Variants in NLGN1 observed in about 807,000 individuals in gnomAD.
NLGN1 encodes the protein neuroligin 1.
A neutral mutation model predicts 65.5 loss-of-function variants in NLGN1; 12 were observed. The observed-to-expected ratio is 0.18, with a 90% CI of 0.12 to 0.30. The LOEUF (loss-of-function observed/expected upper bound fraction) is 0.30. NLGN1 is among the 10% of genes least tolerant of loss of function. NLGN1 has a pLI of 1.00. For missense variants in NLGN1, 750 were observed against 1,007.1 expected, an observed-to-expected ratio of 0.74 and a Z score of 3.46; for synonymous variants, 350 against 359.5, an observed-to-expected ratio of 0.97 and a Z score of 0.30.
intron 3 of NLGN1, among the ~76,000 whole-genome samples, chr3:173,805,080 A>T (rs906146049): frequency 2.0e-5 from 3 of 152,148 alleles, no homozygotes; most frequent in African/African-American, 7.2e-5. Context: ...CTGACAATGC[A>T]CTATTAAAGG....
intron 4 of NLGN1, among the ~76,000 whole-genome samples, chr3:173,914,735 C>T (rs942919001): frequency 6.6e-6 from 1 of 152,094 alleles, no homozygotes; most frequent in Non-Finnish European, 1.5e-5. Context: ...TCAATAAAGA[C>T]AAAATCACCA....
chr3:173,990,770 T>C (rs1720923516), intron 4 of NLGN1, among the ~76,000 whole-genome samples: 1 of 152,288 alleles, frequency 6.6e-6, no homozygotes, highest in African/African-American at 2.4e-5. Flanking sequence ...TATTCATAAA[T>C]ATTTTATCCT....
rs190271741 is a variant in NLGN1 at position 173,943,436 on chromosome 3, C to T, written c.646+135604C>T. On this transcript the variant is annotated intron_variant, in intron 4 of 6. Coordinates refer to ENST00000457714, the Ensembl canonical transcript of NLGN1. ...GCCCCTACAACTCTCACCTAGAAAA[C>T]AAGTGAGTTCAGGAAAGCACCTAAG... Among the ~76,000 whole-genome samples the T allele has an allele frequency of 2.0e-3, 309 of 152,240 alleles. 6 individuals are homozygous for T. The highest frequency in any genetic ancestry group is 0.019 in the Admixed American group (287 of 15,268).
intron 4 of NLGN1, among the ~76,000 whole-genome samples, chr3:173,904,033 T>A (rs773194985): frequency 6.6e-6 from 1 of 152,150 alleles, no homozygotes; most frequent in Admixed American, 6.6e-5. Flanking sequence ...TTTGAAGGAC[T>A]TTTATATTAC....
intron 2 of NLGN1, among the ~76,000 whole-genome samples, chr3:173,514,576 A>G (rs1201308123): frequency 2.6e-5 from 4 of 152,216 alleles, no homozygotes; most frequent in Admixed American, 1.3e-4. Context: ...ATTGTTATGT[A>G]TAGGCACAAT....
At chr3:173,931,918 A>G (rs1252292491) in intron 4 of NLGN1, among the ~76,000 whole-genome samples, 1 of 152,170 alleles carries the variant, frequency 6.6e-6, no homozygotes, top group Non-Finnish European at 1.5e-5. Context: ...TACAGCCAAA[A>G]TAATCTTTTC....
chr3:174,114,094 A>T (rs868770442), intron 4 of NLGN1, among the ~76,000 whole-genome samples: 2 of 152,136 alleles, frequency 1.3e-5, no homozygotes, highest in Non-Finnish European at 2.9e-5. Flanking sequence ...AATGTCCAAC[A>T]TATGTTAAAT....
chr3:173,682,328 G>T (rs761376634), intron 3 of NLGN1, among the ~76,000 whole-genome samples: 1 of 151,918 alleles, frequency 6.6e-6, no homozygotes, highest in East Asian at 1.9e-4. Context: ...GGTGGCTCAC[G>T]CCTGTAATCC....
intron 2 of NLGN1, among the ~76,000 whole-genome samples, chr3:173,437,924 C>T (rs981942243): frequency 2.6e-5 from 4 of 152,178 alleles, no homozygotes; most frequent in African/African-American, 9.7e-5. Flanking sequence ...CCTCTACCAT[C>T]AAACTAGCAA....
At chr3:173,699,073 C>T (rs1438482364) in intron 3 of NLGN1, among the ~76,000 whole-genome samples, 5 of 152,084 alleles carry the variant, frequency 3.3e-5, no homozygotes, top group Non-Finnish European at 7.4e-5. Flanking sequence ...TCAGGCTGGT[C>T]TCAAATTCCC....
chr3:173,977,109 A>ACG (rs796833518), intron 4 of NLGN1, among the ~76,000 whole-genome samples: 4 of 149,108 alleles, frequency 2.7e-5, no homozygotes, highest in East Asian at 3.9e-4. Context: ...ACACACACGC[A>ACG]CACACACACA....
At chr3:174,054,720 G>T (rs142577000) in intron 4 of NLGN1, among the ~76,000 whole-genome samples, 5 of 152,102 alleles carry the variant, frequency 3.3e-5, no homozygotes, top group African/African-American at 1.2e-4. Flanking sequence ...TATATTCAAG[G>T]CCATGATGAT....
intron 4 of NLGN1, among the ~76,000 whole-genome samples, chr3:174,092,824 C>T (rs1001756126): frequency 6.6e-6 from 1 of 152,100 alleles, no homozygotes; most frequent in Non-Finnish European, 1.5e-5. Context: ...AAGTTAGGGA[C>T]AATTGCCAAT....
intron 4 of NLGN1, among the ~76,000 whole-genome samples, chr3:174,020,513 G>C (rs1727545620): frequency 6.6e-6 from 1 of 151,958 alleles, no homozygotes; most frequent in Non-Finnish European, 1.5e-5. Flanking sequence ...TTGATGTCTA[G>C]GTCTTGATGT....
downstream of NLGN1, among the ~76,000 whole-genome samples, chr3:174,290,106 A>G (rs920611903): frequency 2.0e-5 from 3 of 150,570 alleles, no homozygotes; most frequent in African/African-American, 7.3e-5. Context: ...ATTCACGGCT[A>G]TTCCAATCAA....
At chr3:174,258,475 T>C (rs558079734) in intron 4 of NLGN1, among the ~76,000 whole-genome samples, 43 of 152,296 alleles carry the variant, frequency 2.8e-4, no homozygotes, top group Admixed American at 3.9e-4. Context: ...AGTTTCAATG[T>C]ATCTATATAC....
intron 3 of NLGN1, among the ~76,000 whole-genome samples, chr3:173,629,104 T>G (rs1295060470): frequency 6.6e-6 from 1 of 152,132 alleles, no homozygotes; most frequent in Non-Finnish European, 1.5e-5. Context: ...TTTTTTTTTT[T>G]TATTTTTCAA....
At chr3:174,166,753 A>G (rs1043330379) in intron 4 of NLGN1, among the ~76,000 whole-genome samples, 9 of 151,978 alleles carry the variant, frequency 5.9e-5, no homozygotes, top group African/African-American at 2.2e-4. Context: ...TTCTGCCTCA[A>G]TAGTCTTTCT....
At chr3:173,447,724 C>T (rs568540956) in intron 2 of NLGN1, among the ~76,000 whole-genome samples, 1 of 152,270 alleles carries the variant, frequency 6.6e-6, no homozygotes, top group Non-Finnish European at 1.5e-5. Flanking sequence ...TTTGTATCCT[C>T]TTTTATTTTA....
Sources: gnomAD v4.1 joint callset for allele counts (sites outside exome capture counted in the v4.1 genomes callset) on GRCh38, gnomAD v4.1.1 for gene constraint, MANE v1.5 for transcripts, NCBI Gene and HGNC (gene_info 2026-07-23, HGNC 2026-07-21) for gene names.